TRIM37: variants seen among roughly 807,000 people sequenced by gnomAD.
The protein encoded by TRIM37 is tripartite motif containing 37, also known as E3 ubiquitin-protein ligase TRIM37.
Under a neutral mutation model 129.8 loss-of-function variants are expected in TRIM37, and 80 were observed. The ratio of observed to expected loss-of-function variants is 0.62; its 90% CI spans 0.51 to 0.74. TRIM37 has a LOEUF of 0.74. TRIM37 is among the 30% of genes least tolerant of loss of function. The probability of loss-of-function intolerance (pLI) is 0.00; values close to 1 mark genes in which losing one functional copy is unlikely to be tolerated. For missense variants in TRIM37, 1,054 were observed against 1,176.5 expected, an observed-to-expected ratio of 0.90 and a Z score of 1.52; for synonymous variants, 389 against 387.1, an observed-to-expected ratio of 1.00 and a Z score of -0.06.
At chr17:59,009,574 T>C (rs1255781726) in intron 22 of TRIM37, among the ~76,000 whole-genome samples, 2 of 151,774 alleles carry the variant, frequency 1.3e-5, no homozygotes, top group Non-Finnish European at 2.9e-5. Context: ...GCCTCCCAAG[T>C]AGATGGGATT....
At chr17:59,093,049 C>G (rs2044539228) in intron 2 of TRIM37, among the ~76,000 whole-genome samples, 1 of 152,098 alleles carries the variant, frequency 6.6e-6, no homozygotes, top group Admixed American at 6.6e-5. Context: ...ACTCAGGAGG[C>G]TGAGGCAGGA....
intron 16 of TRIM37, 69 bp from the exon 17 acceptor site, chr17:59,041,967 A>T (rs2039213516): frequency 7.6e-6 from 8 of 1,056,060 alleles, no homozygotes; most frequent in Non-Finnish European, 1.0e-5. Flanking sequence ...CACCTCAATA[A>T]ATTTTATGAT....
chr17:59,056,832 T>C (rs1568119278), intron 13 of TRIM37, 43 bp downstream of exon 13: 2 of 1,550,312 alleles, frequency 1.3e-6, no homozygotes, highest in Non-Finnish European at 1.8e-6. Flanking sequence ...GATGATATTA[T>C]TTCCCCACAA....
At chr17:59,004,652 C>A (rs11656413) in intron 22 of TRIM37, among the ~76,000 whole-genome samples, 97,495 of 152,008 alleles carry the variant, frequency 0.64, 31,738 homozygotes, top group African/African-American at 0.73. Flanking sequence ...AAAATGCTAT[C>A]AGTAACTGTA....
At position 59,061,531 on chromosome 17, in the gene TRIM37, A is replaced by G. The variant is rs554418298; in HGVS notation, c.943-423T>C. On this transcript the variant is annotated intron_variant, in intron 11 of 23. Coordinates refer to ENST00000262294, the MANE Select transcript of TRIM37 (RefSeq NM_015294.6). ...CTGAAAGTAATTAAATATAATTTCT[A>G]TATGATTTTAATATTAGAATTCCAT... Among the ~76,000 whole-genome samples the G allele has an allele frequency of 5.3e-5, 8 of 152,250 alleles. No individual in the cohort carries two copies. In the East Asian group the frequency reaches 1.2e-3, roughly 22 times the overall value.
chr17:59,002,449 A>C (rs752333950), intron 22 of TRIM37, among the ~76,000 whole-genome samples: 7 of 152,164 alleles, frequency 4.6e-5, no homozygotes, highest in Non-Finnish European at 8.8e-5. Flanking sequence ...TATGTTGCCC[A>C]GGCTGGTCTT....
chr17:59,051,082 A>C (rs182089981), intron 14 of TRIM37, 132 bp downstream of exon 14: 2 of 668,656 alleles, frequency 3.0e-6, no homozygotes, highest in South Asian at 3.8e-5. Context: ...GGGGAACAAG[A>C]TAACTAGATT....
At chr17:59,044,702 G>C (rs2039592144) in intron 16 of TRIM37, among the ~76,000 whole-genome samples, 1 of 152,164 alleles carries the variant, frequency 6.6e-6, no homozygotes, top group Non-Finnish European at 1.5e-5. Context: ...ATCTAGAGAT[G>C]ATTTAAAAGT....
At chr17:59,016,837 G>A (rs1436594157) in intron 20 of TRIM37, among the ~76,000 whole-genome samples, 1 of 151,962 alleles carries the variant, frequency 6.6e-6, no homozygotes, top group African/African-American at 2.4e-5. Context: ...AGAATACATA[G>A]TCTAATGGCT....
chr17:59,037,739 T>A (rs2038709326), intron 17 of TRIM37, among the ~76,000 whole-genome samples: 1 of 152,112 alleles, frequency 6.6e-6, no homozygotes, highest in Non-Finnish European at 1.5e-5. Flanking sequence ...GAACCAATAC[T>A]GATATATTAT....
chr17:58,968,298 G>T, the TRIM37 span, among the ~76,000 whole-genome samples: 1 of 152,086 alleles, frequency 6.6e-6, no homozygotes, highest in South Asian at 2.1e-4. Flanking sequence ...AGTGGCTCTT[G>T]CCTGTAATCC....
At chr17:59,106,406 G>A (rs2046000802) in intron 1 of TRIM37, 35 bp downstream of exon 1, 1 of 1,613,696 alleles carries the variant, frequency 6.2e-7, no homozygotes, top group East Asian at 2.2e-5. Flanking sequence ...TCGGGTGGGG[G>A]CGGGGACTAA....
Position 58,999,170 on chromosome 17 carries a change from C to G in TRIM37, c.*207G>C, listed in dbSNP as rs1270926420. 2 of 1,405,216 alleles carry G rather than the reference C, an allele frequency of 1.4e-6. No individual in the cohort carries two copies. Among genetic ancestry groups the G allele is most frequent in the Non-Finnish European group, 1.8e-6 (2 of 1,082,480 alleles). 87.0% of individuals were successfully genotyped at this position (1,405,216 alleles called of 1,614,324 possible). A position where few individuals can be genotyped will look rare whatever the true frequency, so the allele number is the denominator to read the frequency against. Reference sequence around the variant, plus strand: ...TGTTATTTCCTTACATTACAAAGAACTCTTCCCATACTGTTTTTCCCATGT... The same window carrying G: ...TGTTATTTCCTTACATTACAAAGAAGTCTTCCCATACTGTTTTTCCCATGT... On this transcript the variant is annotated 3_prime_UTR_variant, in exon 24 of 24. Transcript: ENST00000262294.
chr17:59,004,956 A>C (rs2034279757), intron 22 of TRIM37, among the ~76,000 whole-genome samples: 2 of 152,212 alleles, frequency 1.3e-5, no homozygotes, highest in South Asian at 4.1e-4. Flanking sequence ...TCCTGTTCTA[A>C]AAGAGTGAAG....
At position 59,015,397 on chromosome 17, in the gene TRIM37, G is replaced by A. The variant is rs572999897; in HGVS notation, c.2576+213C>T. ...AGAGGTTGCAGAGAGCTGAGATCAC[G>A]CCACTGCACTCCAGCCTGGGTGACA... On this transcript the variant is annotated intron_variant, in intron 21 of 23. Transcript: ENST00000262294. 6.6e-5 allele frequency among the ~76,000 whole-genome samples: 10 copies of A among 152,036 alleles called. No individual in the cohort carries two copies. The South Asian group carries it at 8.3e-4, about 13-fold the overall frequency.
intron 15 of TRIM37, 97 bp from the exon 16 acceptor site, chr17:59,047,916 C>A: frequency 6.8e-7 from 1 of 1,471,980 alleles, no homozygotes; most frequent in African/African-American, 1.4e-5. Flanking sequence ...AAGAATAATA[C>A]AGTTTTCAAA....
chr17:58,968,870 T>C, the TRIM37 span, among the ~76,000 whole-genome samples: 152,266 of 152,338 alleles, frequency 1, 76,097 homozygotes, highest in Non-Finnish European at 1. Flanking sequence ...TCTTAGATCA[T>C]GGGGTGAGGC....
intron 24 of TRIM37, among the ~76,000 whole-genome samples, chr17:58,990,405 C>T (rs1050343309): frequency 2.0e-5 from 3 of 151,248 alleles, no homozygotes; most frequent in Non-Finnish European, 2.9e-5. Context: ...ACACAAGAAT[C>T]GTGTGAACCT....
chr17:59,053,121 C>G (rs1008997135), intron 13 of TRIM37, among the ~76,000 whole-genome samples: 14 of 152,134 alleles, frequency 9.2e-5, no homozygotes, highest in African/African-American at 3.4e-4. Flanking sequence ...ACCGTCTAAA[C>G]ACTATTATTT....
Sources: allele counts gnomAD v4.1 joint callset (sites outside exome capture counted in the v4.1 genomes callset), GRCh38; gene constraint gnomAD v4.1.1; transcripts MANE v1.5; gene names NCBI Gene and HGNC (gene_info 2026-07-23, HGNC 2026-07-21).